ROBO2: variants seen among roughly 807,000 people sequenced by gnomAD.
ROBO2 encodes the protein roundabout guidance receptor 2, also known as roundabout homolog 2.
Under a neutral mutation model 160.8 loss-of-function variants are expected in ROBO2, and 53 were observed. The ratio of observed to expected loss-of-function variants is 0.33; its 90% CI spans 0.26 to 0.41. The LOEUF is 0.41. ROBO2 is among the 10% of genes least tolerant of loss of function. The pLI is 1.00. For synonymous variants in ROBO2, 664 were observed against 611.7 expected, an observed-to-expected ratio of 1.09 and a Z score of -1.26; for missense variants, 1,577 against 1,722.4, an observed-to-expected ratio of 0.92 and a Z score of 1.49.
At chr3:77,406,660 A>G (rs1006737349) in intron 2 of ROBO2, among the ~76,000 whole-genome samples, 1 of 152,106 alleles carries the variant, frequency 6.6e-6, no homozygotes, top group African/African-American at 2.4e-5. Context: ...ATATTTACCT[A>G]TAAGTTGAAA....
Position 76,000,558 on chromosome 3 carries a change from G to A in ROBO2, c.109+62956G>A, listed in dbSNP as rs143542791. ...GGCTGGAGTGAAGTGGTGTGATCTC[G>A]GCTCACTGCAAGCTCCGCCTCCCGG... On this transcript the variant is annotated intron_variant, in intron 2 of 26. Transcript: ENST00000487694. Among the ~76,000 whole-genome samples the A allele has an allele frequency of 9.0e-3, 1,328 of 147,536 alleles. 21 individuals are homozygous for A. The highest frequency in any genetic ancestry group is 0.032 in the African/African-American group (1,264 of 39,632).
At chr3:77,227,870 T>C (rs1484391269) in intron 2 of ROBO2, among the ~76,000 whole-genome samples, 1 of 152,264 alleles carries the variant, frequency 6.6e-6, no homozygotes, top group Non-Finnish European at 1.5e-5. Context: ...TGCAGAGATT[T>C]ATTTTATGAC....
chr3:76,324,730 C>A, intron 2 of ROBO2, among the ~76,000 whole-genome samples: 1 of 151,884 alleles, frequency 6.6e-6, no homozygotes, highest in Non-Finnish European at 1.5e-5. Context: ...AATTAAATAT[C>A]AAAAAACTTC....
At chr3:76,794,291 C>G (rs2063551078) in intron 2 of ROBO2, among the ~76,000 whole-genome samples, 1 of 151,818 alleles carries the variant, frequency 6.6e-6, no homozygotes. Flanking sequence ...ATAACTGATC[C>G]TAGCAAGCTA....
At chr3:76,034,770 G>T (rs536824463) in intron 2 of ROBO2, among the ~76,000 whole-genome samples, 2 of 152,072 alleles carry the variant, frequency 1.3e-5, no homozygotes, top group African/African-American at 4.8e-5. Flanking sequence ...AAATTCCTTC[G>T]TGTGACATTT....
At chr3:76,830,734 C>T (rs772695048) in intron 2 of ROBO2, among the ~76,000 whole-genome samples, 49 of 149,112 alleles carry the variant, frequency 3.3e-4, no homozygotes, top group Non-Finnish European at 5.5e-4. Flanking sequence ...CCCAGCATCT[C>T]GGGAGGCTGA....
At chr3:77,123,414 T>C (rs2074978990) in intron 2 of ROBO2, among the ~76,000 whole-genome samples, 1 of 152,128 alleles carries the variant, frequency 6.6e-6, no homozygotes, top group African/African-American at 2.4e-5. Flanking sequence ...TTTACAAAGG[T>C]GCAAAAACTT....
intron 2 of ROBO2, among the ~76,000 whole-genome samples, chr3:77,470,819 C>A (rs529222834): frequency 6.6e-6 from 1 of 152,106 alleles, no homozygotes; most frequent in South Asian, 2.1e-4. Context: ...GGCTAGAGGT[C>A]GGTCTTCTAC....
chr3:77,044,875 G>A (rs1559893018), intron 1 of ROBO2, among the ~76,000 whole-genome samples: 1 of 152,106 alleles, frequency 6.6e-6, no homozygotes, highest in Non-Finnish European at 1.5e-5. Flanking sequence ...GAAAAGTATT[G>A]CTGTATTTCT....
chr3:76,373,454 T>C lies in ROBO2; in HGVS notation c.109+435852T>C, dbSNP rs561962328. On this transcript the variant is annotated intron_variant, in intron 2 of 26. Transcript: ENST00000487694. ...ATATGTGCATAATTTGGATGGACAG[T>C]TTCATGGACACTCTTGGATGGAGCA... Among the ~76,000 whole-genome samples the C allele has an allele frequency of 7.9e-5, 12 of 152,084 alleles. No homozygotes were observed. In the South Asian group the frequency reaches 2.5e-3, roughly 32 times the overall value.
chr3:76,955,901 AAAAG>A (rs1261861809), intron 2 of ROBO2, among the ~76,000 whole-genome samples: 13 of 151,776 alleles, frequency 8.6e-5, no homozygotes, highest in East Asian at 1.9e-4. Flanking sequence ...AAAAAAAAAA[AAAAG>A]AAAGAAAGAA....
chr3:77,218,046 A>C (rs944951186), intron 2 of ROBO2, among the ~76,000 whole-genome samples: 1 of 152,208 alleles, frequency 6.6e-6, no homozygotes, highest in African/African-American at 2.4e-5. Flanking sequence ...AGATTTTATC[A>C]AATCTATATG....
chr3:77,213,061 G>T (rs1011973844), intron 2 of ROBO2, among the ~76,000 whole-genome samples: 8 of 152,096 alleles, frequency 5.3e-5, no homozygotes, highest in Non-Finnish European at 7.3e-5. Context: ...TCTCTGCCGG[G>T]CTTTGGTATC....
intron 8 of ROBO2, 85 bp downstream of exon 9, chr3:77,551,074 T>G (rs1248522259): frequency 1.4e-6 from 2 of 1,416,184 alleles, no homozygotes; most frequent in Non-Finnish European, 2.0e-6. Context: ...TTTGCTGATT[T>G]GTTAAATCAT....
At chr3:77,328,765 G>A (rs1382716860) in intron 2 of ROBO2, among the ~76,000 whole-genome samples, 1 of 152,168 alleles carries the variant, frequency 6.6e-6, no homozygotes, top group Non-Finnish European at 1.5e-5. Context: ...CATAAAAATA[G>A]CATGTAAAGT....
intron 2 of ROBO2, among the ~76,000 whole-genome samples, chr3:76,102,024 G>A (rs536386772): frequency 6.7e-6 from 1 of 149,972 alleles, no homozygotes; most frequent in African/African-American, 2.5e-5. Flanking sequence ...ACCCCGGGGT[G>A]TGATGTTCCC....
chr3:77,450,679 G>T lies in ROBO2; in HGVS notation c.389-26735G>T, dbSNP rs1259186400. Among the ~76,000 whole-genome samples, 3 of 152,030 alleles carry T rather than the reference G, an allele frequency of 2.0e-5. No individual in the cohort carries two copies. The South Asian group carries it at 6.2e-4, about 32-fold the overall frequency. On this transcript the variant is annotated intron_variant, in intron 2 of 25. Transcript: ENST00000461745. The stretch of plus-strand genomic sequence containing the variant: ...TTTCTACTTTGTCAATATCAAAATG[G>T]CAGAATAAGTACAGCAAGCCTAAAG...
intron 2 of ROBO2, among the ~76,000 whole-genome samples, chr3:76,033,413 T>A (rs2107721258): frequency 6.6e-6 from 1 of 152,266 alleles, no homozygotes; most frequent in African/African-American, 2.4e-5. Flanking sequence ...GACACTGGCT[T>A]CCTGTGTGTC....
chr3:76,539,433 G>C (rs1431122319), intron 2 of ROBO2, among the ~76,000 whole-genome samples: 1 of 151,166 alleles, frequency 6.6e-6, no homozygotes, highest in Non-Finnish European at 1.5e-5. Context: ...ATGGATAGTA[G>C]GCCACAAAAT....
Sources: allele counts gnomAD v4.1 joint callset (sites outside exome capture counted in the v4.1 genomes callset), GRCh38; gene constraint gnomAD v4.1.1; transcripts MANE v1.5; gene names NCBI Gene and HGNC (gene_info 2026-07-23, HGNC 2026-07-21).